ITIH5: variants seen among roughly 807,000 people sequenced by gnomAD.
The protein encoded by ITIH5 is inter-alpha-trypsin inhibitor heavy chain H5.
In ITIH5, 65 loss-of-function variants were observed where a neutral mutation model predicts 77.5. That is an observed-to-expected ratio of 0.84 (90% CI 0.69 to 1.03). The LOEUF (loss-of-function observed/expected upper bound fraction) is 1.03, where lower values mean the gene tolerates loss of function less well. Ranked by LOEUF, ITIH5 falls within the 50% of genes least tolerant of loss-of-function variation. The pLI is 0.00. For synonymous variants in ITIH5, 525 were observed against 494.3 expected (o/e 1.06, Z -0.82); for missense variants, 1,208 against 1,213.1 (o/e 1.00, Z 0.06).
At chr10:7,642,426 T>G (rs570048806) in intron 2 of ITIH5, among the ~76,000 whole-genome samples, 4 of 152,336 alleles carry the variant, frequency 2.6e-5, no homozygotes, top group African/African-American at 9.6e-5. Flanking sequence ...AAGTAAAGTA[T>G]GTGCTGTATA....
intron 5 of ITIH5, among the ~76,000 whole-genome samples, chr10:7,628,023 T>C (rs1047693144): frequency 8.6e-5 from 13 of 151,910 alleles, no homozygotes; most frequent in African/African-American, 3.1e-4. Context: ...TGTATTTTAG[T>C]AGAGATGGGG....
At chr10:7,607,651 TA>T (rs1309974437) in intron 7 of ITIH5, among the ~76,000 whole-genome samples, 1 of 152,120 alleles carries the variant, frequency 6.6e-6, no homozygotes, top group African/African-American at 2.4e-5. Flanking sequence ...CCATCTCTAC[TA>T]AAAATACAAA....
chr10:7,579,661 G>A (rs1832498890), intron 9 of ITIH5, 94 bp downstream of exon 9: 3 of 1,252,548 alleles, frequency 2.4e-6, no homozygotes, highest in Non-Finnish European at 3.4e-6. Context: ...ATGCAAGGCT[G>A]GGGTGCAGCA....
intron 7 of ITIH5, among the ~76,000 whole-genome samples, chr10:7,603,067 A>C (rs1833047728): frequency 6.6e-6 from 1 of 152,168 alleles, no homozygotes; most frequent in Admixed American, 6.5e-5. Flanking sequence ...CCTACACCTG[A>C]GCATCACGTA....
At chr10:7,662,775 C>T (rs1174196570) in intron 1 of ITIH5, among the ~76,000 whole-genome samples, 1 of 152,144 alleles carries the variant, frequency 6.6e-6, no homozygotes, top group African/African-American at 2.4e-5. Flanking sequence ...CGCACTCTGC[C>T]CTACAAACTC....
chr10:7,654,605 G>A (rs76194191), intron 2 of ITIH5, among the ~76,000 whole-genome samples: 5,535 of 152,282 alleles, frequency 0.036, 173 homozygotes, highest in African/African-American at 0.086. Flanking sequence ...CCAACTGCAT[G>A]GCAGGTGTCA....
intron 11 of ITIH5, chr10:7,572,509 G>T: frequency 8.1e-7 from 1 of 1,238,138 alleles, no homozygotes. Flanking sequence ...GCATGCTCCG[G>T]ATCTCTAAAA....
chr10:7,596,613 G>A (rs764507175), intron 7 of ITIH5, among the ~76,000 whole-genome samples: 4 of 152,120 alleles, frequency 2.6e-5, no homozygotes, highest in Non-Finnish European at 2.9e-5. Flanking sequence ...CAATGATCAC[G>A]CTGTTCTCCT....
chr10:7,564,175 A>T (rs1378713047), intron 13 of ITIH5, among the ~76,000 whole-genome samples: 1 of 152,226 alleles, frequency 6.6e-6, no homozygotes, highest in African/African-American at 2.4e-5. Flanking sequence ...CCCTCAGGTG[A>T]CTACATTTTA....
At position 7,561,011 on chromosome 10, in the gene ITIH5, G is replaced by C. The variant is rs1832030708; in HGVS notation, c.*2072C>G. ...AGGTCCTAACTATAAGCTTGGTATG[G>C]GGTTTCGGGCTTTCAGGTACTGACC... On this transcript the variant is annotated 3_prime_UTR_variant, in exon 14 of 14. Transcript: ENST00000397146. 7.0e-6 allele frequency: 1 copy of C among 143,304 alleles called. No homozygotes were observed. The highest frequency in any genetic ancestry group is 2.4e-4 in the South Asian group (1 of 4,084). The allele number at this position is 143,304 out of a possible 1,614,324, so 8.9% of individuals were successfully genotyped here. A position where few individuals can be genotyped will look rare whatever the true frequency, so the allele number is the denominator to read the frequency against.
chr10:7,658,688 G>A (rs895013770), intron 1 of ITIH5, among the ~76,000 whole-genome samples: 2 of 152,190 alleles, frequency 1.3e-5, no homozygotes, highest in Non-Finnish European at 1.5e-5. Context: ...CAGGTTATAC[G>A]TAGATGTAAA....
At chr10:7,596,498 G>A (rs1443807649) in intron 7 of ITIH5, among the ~76,000 whole-genome samples, 1 of 152,064 alleles carries the variant, frequency 6.6e-6, no homozygotes, top group Non-Finnish European at 1.5e-5. Context: ...AGGCTCTTGT[G>A]CCACAAACCC....
intron 7 of ITIH5, among the ~76,000 whole-genome samples, chr10:7,613,844 G>T (rs924173714): frequency 1.8e-4 from 28 of 152,138 alleles, no homozygotes; most frequent in African/African-American, 6.8e-4. Context: ...GCAGAAATAT[G>T]CCAGCTCCTA....
At chr10:7,644,599 CATATCACAT>C (rs914923460) in intron 2 of ITIH5, among the ~76,000 whole-genome samples, 1 of 87,382 alleles carries the variant, frequency 1.1e-5, no homozygotes, top group African/African-American at 3.9e-5. Flanking sequence ...ATATATCATA[CATATCACAT>C]ATATCACATA....
chr10:7,628,828 CGTGTGTCCCTGTTGT>C, intron 5 of ITIH5, among the ~76,000 whole-genome samples: 1 of 118,792 alleles, frequency 8.4e-6, no homozygotes, highest in Non-Finnish European at 1.9e-5. Context: ...CATGTTGTAG[CGTGTGTCCCTGTTGT>C]AGCGTGTGTC....
At chr10:7,662,574 T>C (rs1003072709) in intron 1 of ITIH5, among the ~76,000 whole-genome samples, 34 of 152,230 alleles carry the variant, frequency 2.2e-4, no homozygotes, top group African/African-American at 8.2e-4. Context: ...GATGACATGA[T>C]AAGCAAGATC....
chr10:7,617,261 G>T lies in ITIH5; in HGVS notation c.674C>A (p.Ser225Tyr). 6.3e-7 allele frequency: 1 copy of T among 1,585,078 alleles called. No individual in the cohort carries two copies. The highest frequency in any genetic ancestry group is 8.6e-7 in the Non-Finnish European group (1 of 1,167,340). ...RGEDDSGPPP[S>Y]TVINQNETFA... ...TGTTTCATTTTGGTTAATGACAGTA[G>T]ATGGGGGAGGCCCAGAATCATCTGC... is the stretch of plus-strand genomic sequence containing the variant. Residue 225 changes from serine to tyrosine, a missense_variant, in exon 6 of 14, where the codon TCT (serine) becomes TAT (tyrosine). By Grantham distance (144) the Ser-to-Tyr change is moderately radical (BLOSUM62 -2). Transcript: ENST00000397146.
rs76874709 is a variant in ITIH5, at chr10:7,600,670, G to A, written c.940-14601C>T. 9 of 434,644 alleles carry A rather than the reference G, an allele frequency of 2.1e-5. No individual in the cohort carries two copies. In the East Asian group the frequency reaches 6.3e-4, roughly 31 times the overall value. 26.9% of individuals were successfully genotyped at this position (434,644 alleles called of 1,614,324 possible). The stretch of plus-strand genomic sequence containing the variant: ...TTTGGCAAAGCCTAGGGGTACACAA[G>A]GGACAGTTTGGGTCCCCCTAAATTC... On this transcript the variant is annotated intron_variant, in intron 7 of 13. Transcript: ENST00000397146.
Position 7,617,146 on chromosome 10 carries a change from G to T in ITIH5, c.789C>A (p.Asp263Glu). The T allele has an allele frequency of 6.3e-7, 1 of 1,599,800 alleles. No individual in the cohort carries two copies. ...GILGDFIIRY[D>E]VNREQSIGDI... ...CCCCAATGCTCTGTTCTCTATTGAC[G>T]TCATATCTAATGATAAAGTCTCCCA... is the stretch of plus-strand genomic sequence containing the variant. Residue 263 changes from aspartate (D) to glutamate (E), a missense_variant, in exon 6 of 14, where the codon GAC becomes GAA. Physicochemically the swap from Asp to Glu is conservative, Grantham distance 45 (BLOSUM62 2). Coordinates refer to ENST00000397146, the MANE Select transcript of ITIH5 (RefSeq NM_030569.7).
Sources: allele counts gnomAD v4.1 joint callset (sites outside exome capture counted in the v4.1 genomes callset), GRCh38; gene constraint gnomAD v4.1.1; transcripts MANE v1.5; gene names NCBI Gene and HGNC (gene_info 2026-07-23, HGNC 2026-07-21).